The following CEP112 variants were observed in gnomAD, a reference collection of about 807,000 sequenced individuals.
The protein encoded by CEP112 is centrosomal protein 112.
In CEP112, 127 loss-of-function variants were observed where a neutral mutation model predicts 153.0. The ratio of observed to expected loss-of-function variants is 0.83; its 90% confidence interval spans 0.72 to 0.96. The LOEUF (loss-of-function observed/expected upper bound fraction) is 0.96. Ranked by LOEUF, CEP112 falls within the 40% of genes least tolerant of loss-of-function variation. The pLI, the probability that CEP112 is intolerant of heterozygous loss-of-function variation, is 0.00. For missense variants in CEP112, 1,089 were observed against 1,101.2 expected (o/e 0.99, Z 0.16); for synonymous variants, 358 against 374.4 (o/e 0.96, Z 0.51).
At position 65,669,338 on chromosome 17, in the gene CEP112, T is replaced by C. The variant is rs973199802; in HGVS notation, c.2697+19791A>G. Among the ~76,000 whole-genome samples, 5 of 152,352 alleles carry C rather than the reference T, an allele frequency of 3.3e-5. No homozygotes were observed. The East Asian group carries it at 5.8e-4, about 18-fold the overall frequency. On this transcript the variant is annotated intron_variant, in intron 24 of 26. Transcript: ENST00000535342. ...AATAGTTTTAGACTTTAGAGTCTGA[T>C]GAGCCAGACTGAGAAGCATGTGTTA...
intron 12 of CEP112, among the ~76,000 whole-genome samples, chr17:66,037,923 T>C (rs1198865120): frequency 1.3e-5 from 2 of 151,682 alleles, no homozygotes; most frequent in African/African-American, 4.8e-5. Context: ...GATATGATTA[T>C]TATATATCTG....
At chr17:65,700,263 C>G (rs76510774) in intron 23 of CEP112, among the ~76,000 whole-genome samples, 2 of 152,136 alleles carry the variant, frequency 1.3e-5, no homozygotes, top group Admixed American at 1.3e-4. Context: ...ATGTACCAGA[C>G]GTGGTACTAA....
At chr17:65,772,607 CACACACACACAG>C (rs1400349192) in intron 21 of CEP112, among the ~76,000 whole-genome samples, 1,419 of 47,928 alleles carry the variant, frequency 0.03, 23 homozygotes, top group African/African-American at 0.17. Context: ...CACACACACA[CACACACACACAG>C]ACAGCCCCTT....
chr17:65,670,521 T>C (rs143151722), intron 24 of CEP112, among the ~76,000 whole-genome samples: 59 of 152,296 alleles, frequency 3.9e-4, no homozygotes, highest in African/African-American at 1.3e-3. Context: ...TCATGCATTC[T>C]TCAGGCTTCA....
chr17:65,855,514 G>A (rs753369669), intron 20 of CEP112, among the ~76,000 whole-genome samples: 17 of 152,164 alleles, frequency 1.1e-4, no homozygotes, highest in Non-Finnish European at 2.5e-4. Flanking sequence ...AACTGTGAAA[G>A]GGAGTGGTAC....
chr17:66,046,461 G>A lies in CEP112; in HGVS notation c.1218+7275C>T, dbSNP rs188773497. Among the ~76,000 whole-genome samples, 29 of 152,180 alleles carry A rather than the reference G, an allele frequency of 1.9e-4. No homozygotes were observed. The East Asian group carries it at 2.9e-3, about 15-fold the overall frequency. ...CCTAAACAAAATAGAAAACATGATC[G>A]TTTATAAGGATCTTCCATGAGCATA... On this transcript the variant is annotated intron_variant, in intron 12 of 26. Coordinates refer to ENST00000535342, the MANE Select transcript of CEP112 (RefSeq NM_001199165.4).
chr17:65,918,643 T>A (rs1292493661), intron 19 of CEP112, among the ~76,000 whole-genome samples: 1 of 152,200 alleles, frequency 6.6e-6, no homozygotes, highest in Non-Finnish European at 1.5e-5. Context: ...AGTCCTAGCA[T>A]GCCTGGTTGG....
intron 19 of CEP112, 78 bp downstream of exon 19, chr17:65,927,504 T>C (rs1172792799): frequency 1.3e-6 from 1 of 755,824 alleles, no homozygotes; most frequent in Non-Finnish European, 2.2e-6. Flanking sequence ...TGCAGATATT[T>C]TGTGATAGTG....
intron 4 of CEP112, among the ~76,000 whole-genome samples, chr17:66,150,674 G>T (rs2071169682): frequency 1.3e-5 from 2 of 152,206 alleles, no homozygotes; most frequent in African/African-American, 4.8e-5. Context: ...GTTATTGGAT[G>T]GGGTATTTTA....
At chr17:65,856,464 AG>A (rs2058124242) in intron 20 of CEP112, among the ~76,000 whole-genome samples, 3 of 152,234 alleles carry the variant, frequency 2.0e-5, no homozygotes, top group African/African-American at 4.8e-5. Context: ...ATTTCTCTTA[AG>A]GAAGAGTACA....
chr17:65,924,150 G>T (rs1321673546), intron 19 of CEP112, among the ~76,000 whole-genome samples: 1 of 151,898 alleles, frequency 6.6e-6, no homozygotes, highest in Non-Finnish European at 1.5e-5. Context: ...CTAATTTTTT[G>T]CATTTTTAGT....
At chr17:66,033,751 GTTGT>G (rs1465055318) in intron 12 of CEP112, among the ~76,000 whole-genome samples, 3 of 151,794 alleles carry the variant, frequency 2.0e-5, no homozygotes, top group East Asian at 3.9e-4. Context: ...TTCTTTCTTT[GTTGT>G]TTGTTTTCCA....
chr17:65,838,213 A>T (rs1443079509), intron 21 of CEP112, among the ~76,000 whole-genome samples: 1 of 152,216 alleles, frequency 6.6e-6, no homozygotes, highest in Non-Finnish European at 1.5e-5. Context: ...ACATTTCCTC[A>T]ACAGCACATG....
intron 2 of CEP112, 63 bp from the exon 3 acceptor site, chr17:66,177,083 A>C (rs1275763245): frequency 7.5e-7 from 1 of 1,337,866 alleles, no homozygotes; most frequent in African/African-American, 1.5e-5. Flanking sequence ...TCAATTACAA[A>C]GACCTATAAT....
intron 4 of CEP112, among the ~76,000 whole-genome samples, chr17:66,152,088 T>G (rs1012525896): frequency 6.6e-6 from 1 of 152,140 alleles, no homozygotes; most frequent in Admixed American, 6.6e-5. Flanking sequence ...GATATCTGTA[T>G]TATAGATAAT....
rs187854329 is a variant in CEP112 at position 65,971,786 on chromosome 17, A to G, written c.1737-10188T>C. Reference sequence around the variant, plus strand: ...AGAAAGCTGGAGTCGTGATATTAATACCAGACAAAGCCTATTCCAGGGCAA... The same window carrying G: ...AGAAAGCTGGAGTCGTGATATTAATGCCAGACAAAGCCTATTCCAGGGCAA... On this transcript the variant is annotated intron_variant, in intron 17 of 26. Coordinates refer to ENST00000535342, the MANE Select transcript of CEP112 (RefSeq NM_001199165.4). Among the ~76,000 whole-genome samples the G allele has an allele frequency of 4.1e-3, 619 of 152,322 alleles. 4 individuals carry two copies. Among genetic ancestry groups the G allele is most frequent in the Non-Finnish European group, 6.7e-3 (454 of 68,018 alleles).
chr17:65,690,597 T>G (rs553249772), intron 23 of CEP112, among the ~76,000 whole-genome samples: 2 of 151,726 alleles, frequency 1.3e-5, no homozygotes, highest in Non-Finnish European at 1.5e-5. Flanking sequence ...GGGATTGAGA[T>G]TTTAAATAGA....
Position 65,699,493 on chromosome 17 carries a change from CT to C in CEP112, c.2608-10276del, listed in dbSNP as rs2048516755. On this transcript the variant is annotated intron_variant, in intron 23 of 26. Transcript: ENST00000535342. ...TAATAATAACACATCTATCAGTGCC[CT>C]TTTTTCACGATCTAGAGGGCTGGTC... Among the ~76,000 whole-genome samples the C allele has an allele frequency of 3.3e-5, 5 of 152,246 alleles. No homozygotes were observed. The South Asian group carries it at 1.0e-3, about 32-fold the overall frequency.
chr17:66,077,461 C>T (rs1434176172), intron 8 of CEP112, among the ~76,000 whole-genome samples: 1 of 152,114 alleles, frequency 6.6e-6, no homozygotes, highest in Non-Finnish European at 1.5e-5. Context: ...AAGAAAGAAA[C>T]TCAGAGCTTG....
Sources: gnomAD v4.1 joint callset for allele counts (sites outside exome capture counted in the v4.1 genomes callset) on GRCh38, gnomAD v4.1.1 for gene constraint, MANE v1.5 for transcripts, NCBI Gene and HGNC (gene_info 2026-07-23, HGNC 2026-07-21) for gene names.